Variants in CLEC4C observed in about 807,000 individuals in gnomAD.
CLEC4C encodes C-type lectin domain family 4 member C, also known as C-type (calcium dependent, carbohydrate-recognition domain) lectin, superfamily member 11.
In CLEC4C, 17 loss-of-function variants were observed where a neutral mutation model predicts 27.7. That is an observed-to-expected ratio of 0.61 (90% CI 0.42 to 0.92). CLEC4C has a LOEUF of 0.92. CLEC4C is among the 40% of genes least tolerant of loss of function. The pLI, the probability that CLEC4C is intolerant of heterozygous loss-of-function variation, is 0.00. For missense variants in CLEC4C, 244 were observed against 257.3 expected, an observed-to-expected ratio of 0.95 and a Z score of 0.35; for synonymous variants, 80 against 80.8, an observed-to-expected ratio of 0.99 and a Z score of 0.06.
intron 3 of CLEC4C, among the ~76,000 whole-genome samples, chr12:7,740,966 G>A (rs988242195): frequency 4.6e-5 from 7 of 151,518 alleles, no homozygotes; most frequent in African/African-American, 9.7e-5. Context: ...TCAGCCTCCC[G>A]AGTAGCTGGG....
chr12:7,745,424 CTTTTTT>C (rs140956970), intron 2 of CLEC4C, among the ~76,000 whole-genome samples: 24 of 48,190 alleles, frequency 5.0e-4, no homozygotes, highest in Non-Finnish European at 7.5e-4. Flanking sequence ...TCAGTCTATG[CTTTTTT>C]TTTTTTTTTT....
At chr12:7,731,620 G>A (rs1048856050) in intron 4 of CLEC4C, among the ~76,000 whole-genome samples, 8 of 152,154 alleles carry the variant, frequency 5.3e-5, no homozygotes, top group African/African-American at 1.9e-4. Context: ...AGCAGCAGAG[G>A]CCTCTGGCTG....
intron 3 of CLEC4C, among the ~76,000 whole-genome samples, chr12:7,740,903 C>T (rs761995921): frequency 1.0e-3 from 152 of 150,764 alleles, no homozygotes; most frequent in Non-Finnish European, 1.8e-3. Context: ...TGCAGTGGCG[C>T]GATCTCGGCT....
intron 2 of CLEC4C, 65 bp from the exon 3 acceptor site, chr12:7,741,596 C>T (rs12823478): frequency 0.097 from 88,229 of 907,360 alleles, 4,917 homozygotes; most frequent in African/African-American, 0.18. Context: ...ACTATACAAT[C>T]TTATGCTGTG....
chr12:7,741,153 C>T (rs768275188), intron 3 of CLEC4C, among the ~76,000 whole-genome samples: 102 of 152,176 alleles, frequency 6.7e-4, no homozygotes, highest in African/African-American at 2.5e-3. Flanking sequence ...AGTAGAGATG[C>T]GGTTTCTCCG....
intron 3 of CLEC4C, among the ~76,000 whole-genome samples, chr12:7,739,253 C>T (rs1284148535): frequency 6.6e-6 from 1 of 151,760 alleles, no homozygotes; most frequent in East Asian, 1.9e-4. Flanking sequence ...GCTGGGACTA[C>T]AGGTGCCCGC....
Sources: gnomAD v4.1 joint callset for allele counts (sites outside exome capture counted in the v4.1 genomes callset) on GRCh38, gnomAD v4.1.1 for gene constraint, MANE v1.5 for transcripts, NCBI Gene and HGNC (gene_info 2026-07-23, HGNC 2026-07-21) for gene names.